Variants in BECN1 observed in about 807,000 individuals in gnomAD.
BECN1 encodes the protein beclin-1.
BECN1 carries 15 observed loss-of-function variants against 60.1 expected under a neutral mutation model. The observed-to-expected ratio is 0.25, with a 90% CI of 0.17 to 0.38. The LOEUF (loss-of-function observed/expected upper bound fraction) is 0.38. Among genes scored for constraint, BECN1 ranks in the 10% least tolerant of loss-of-function variants. BECN1 has a pLI of 1.00. For missense variants in BECN1, 424 were observed against 548.2 expected, an observed-to-expected ratio of 0.77 and a Z score of 2.26; for synonymous variants, 179 against 201.8, an observed-to-expected ratio of 0.89 and a Z score of 0.96.
chr17:42,818,124 C>T (rs1222016727), intron 7 of BECN1, 97 bp downstream of exon 7: 1 of 1,323,008 alleles, frequency 7.6e-7, no homozygotes, highest in East Asian at 2.3e-5. Context: ...TGACTGACAG[C>T]TGACTAGTTT....
intron 2 of BECN1, among the ~76,000 whole-genome samples, chr17:42,821,205 G>A (rs1203518940): frequency 2.0e-5 from 3 of 152,020 alleles, no homozygotes; most frequent in African/African-American, 7.3e-5. Context: ...GACTACAGGC[G>A]TGCACCACCA....
Position 42,818,317 on chromosome 17 carries a change from T to C in BECN1, c.587A>G (p.Gln196Arg). The change falls in exon 7 of 12, where the codon CAG (glutamine) becomes CGG (arginine). Residue 196 changes from glutamine (Q) to arginine (R), a missense_variant. Physicochemically the swap from Gln to Arg is conservative, Grantham distance 43 (BLOSUM62 1). This residue lies in a region of BECN1 where 326 missense variants were observed against 406.2 expected (regional missense o/e 0.80). Transcript: ENST00000590099. ...GTTCTTTTCCACGTCTTCCAGCTCC[T>C]GGATCAGCCTCTCCTCCTCTAGTGC... ...ELALEEERLI[Q>R]ELEDVEKNRK... 11 of 1,614,236 alleles carry C rather than the reference T, an allele frequency of 6.8e-6. No homozygotes were observed. Among genetic ancestry groups the C allele is most frequent in the Non-Finnish European group, 9.3e-6 (11 of 1,180,032 alleles).
chr17:42,814,087 C>T, intron 9 of BECN1, 79 bp from the exon 10 acceptor site: 1 of 1,015,974 alleles, frequency 9.8e-7, no homozygotes, highest in Non-Finnish European at 1.5e-6. Context: ...CCAATGATTT[C>T]ACTCTTCATT....
intron 3 of BECN1, 133 bp from the exon 4 acceptor site, chr17:42,819,742 TG>T: frequency 1.1e-6 from 1 of 871,696 alleles, no homozygotes; most frequent in Non-Finnish European, 1.8e-6. Context: ...ACTTAAAAAA[TG>T]GGTATTATCG....
At chr17:42,819,105 G>A in intron 4 of BECN1, 1 of 554,222 alleles carries the variant, frequency 1.8e-6, no homozygotes, top group Non-Finnish European at 3.2e-6. Flanking sequence ...GACTAAGGAG[G>A]GAGAGGGAGC....
At chr17:42,820,877 T>G (rs1342605945) in intron 2 of BECN1, 36 bp from the exon 3 acceptor site, 2 of 1,538,528 alleles carry the variant, frequency 1.3e-6, no homozygotes, top group Middle Eastern at 1.7e-4. Flanking sequence ...AGAAACAGTC[T>G]TATTAAAGCA....
At chr17:42,820,728 A>G (rs759684812) in intron 3 of BECN1, 46 bp downstream of exon 3, 29 of 1,505,468 alleles carry the variant, frequency 1.9e-5, no homozygotes, top group Non-Finnish European at 2.4e-5. Context: ...TCTCATTTGG[A>G]ATGTTTACTA....
At chr17:42,821,301 C>A (rs748240008) in intron 2 of BECN1, among the ~76,000 whole-genome samples, 3 of 152,124 alleles carry the variant, frequency 2.0e-5, no homozygotes, top group Non-Finnish European at 4.4e-5. Context: ...GTGATCCACC[C>A]GTCTCAGCTA....
intron 1 of BECN1, 64 bp downstream of exon 1, chr17:42,824,091 T>C (rs1437529907): frequency 1.8e-6 from 1 of 557,022 alleles, no homozygotes; most frequent in Non-Finnish European, 3.1e-6. Flanking sequence ...GGGACTCCAA[T>C]AAGAGCCGTG....
At position 42,819,439 on chromosome 17, in the gene BECN1, G is replaced by C. The variant is rs1431299291; in HGVS notation, c.260+109C>G. 4.3e-5 allele frequency: 52 copies of C among 1,212,144 alleles called. No homozygotes were observed. In the South Asian group the frequency reaches 6.0e-4, roughly 14 times the overall value. The allele number at this position is 1,212,144 out of a possible 1,614,324, so 75.1% of individuals were successfully genotyped here. On this transcript the variant is annotated intron_variant, in intron 4 of 11. Coordinates refer to ENST00000590099, the MANE Select transcript of BECN1 (RefSeq NM_001313998.2). ...ACATCTTTTCTGAAAGGGCCAAAAG[G>C]CTAGGTGATGATGCATCTCTATCAC...
intron 1 of BECN1, 41 bp downstream of exon 1, chr17:42,824,114 C>T: frequency 1.9e-6 from 1 of 524,814 alleles, no homozygotes; most frequent in Non-Finnish European, 3.4e-6. Context: ...GGTTCCCAGA[C>T]TCCCTTCTAA....
rs1435713857 is a variant in BECN1 at position 42,810,408 on chromosome 17, T to C, written c.*352A>G. On this transcript the variant is annotated 3_prime_UTR_variant, in exon 12 of 12. Coordinates refer to ENST00000590099, the MANE Select transcript of BECN1 (RefSeq NM_001313998.2). ...AAAGTTTCTATTTCATATTGTTAAG[T>C]GCAGGAAGTTGAGAGAGATAAAAAT... is the stretch of plus-strand genomic sequence containing the variant. 6.2e-6 allele frequency: 1 copy of C among 162,514 alleles called. No individual in the cohort carries two copies. The highest frequency in any genetic ancestry group is 1.3e-5 in the Non-Finnish European group (1 of 74,778). 10.1% of individuals were successfully genotyped at this position (162,514 alleles called of 1,614,324 possible).
intron 7 of BECN1, among the ~76,000 whole-genome samples, chr17:42,816,694 G>C (rs1338279087): frequency 6.6e-6 from 1 of 151,748 alleles, no homozygotes; most frequent in African/African-American, 2.4e-5. Flanking sequence ...TTCTGGGCCG[G>C]GTGCAGTGGC....
intron 2 of BECN1, among the ~76,000 whole-genome samples, chr17:42,822,714 A>AT (rs1243585978): frequency 6.6e-6 from 1 of 151,378 alleles, no homozygotes; most frequent in African/African-American, 2.4e-5. Flanking sequence ...TAATTAATTT[A>AT]TTTTTTGAGA....
chr17:42,813,305 C>T (rs2055072981), intron 10 of BECN1, among the ~76,000 whole-genome samples: 1 of 151,648 alleles, frequency 6.6e-6, no homozygotes, highest in African/African-American at 2.4e-5. Flanking sequence ...GAGGCTGAGG[C>T]GGGTGGATCA....
At chr17:42,813,114 G>C (rs1422146648) in intron 10 of BECN1, among the ~76,000 whole-genome samples, 2 of 151,228 alleles carry the variant, frequency 1.3e-5, no homozygotes, top group East Asian at 2.0e-4. Flanking sequence ...AAAGTGCTGG[G>C]ATTACAGGCG....
chr17:42,810,995 C>A (rs2144142695), intron 11 of BECN1, 67 bp from the exon 12 acceptor site: 1 of 1,440,506 alleles, frequency 6.9e-7, no homozygotes, highest in Non-Finnish European at 9.3e-7. Flanking sequence ...GGGGCAGGGA[C>A]TTGATCATGG....
intron 4 of BECN1, 104 bp downstream of exon 4, chr17:42,819,444 G>A (rs886344010): frequency 2.9e-5 from 37 of 1,267,492 alleles, no homozygotes; most frequent in Non-Finnish European, 3.9e-5. Context: ...AAAAGGCTAG[G>A]TGATGATGCA....
intron 11 of BECN1, 133 bp downstream of exon 11, chr17:42,811,522 T>C (rs1288928732): frequency 8.4e-7 from 1 of 1,185,954 alleles, no homozygotes; most frequent in African/African-American, 1.5e-5. Context: ...TCTCTGCCCA[T>C]CAATGTCATG....
Sources: allele counts gnomAD v4.1 joint callset (sites outside exome capture counted in the v4.1 genomes callset), GRCh38; gene constraint gnomAD v4.1.1; regional missense constraint gnomAD v4.1.1; transcripts MANE v1.5; gene names NCBI Gene and HGNC (gene_info 2026-07-23, HGNC 2026-07-21).